SYNE1: variants seen among roughly 807,000 people sequenced by gnomAD.
The protein encoded by SYNE1 is spectrin repeat containing nuclear envelope protein 1.
A neutral mutation model predicts 1,111.0 loss-of-function variants in SYNE1; 616 were observed. That is an observed-to-expected ratio of 0.55 (90% confidence interval 0.52 to 0.59). The LOEUF (loss-of-function observed/expected upper bound fraction) is 0.59. Among genes scored for constraint, SYNE1 ranks in the 20% least tolerant of loss-of-function variants. SYNE1 has a pLI of 0.00. For missense variants in SYNE1, 10,006 were observed against 10,417.0 expected (o/e 0.96, Z 1.72); for synonymous variants, 3,855 against 3,825.8 (o/e 1.01, Z -0.28).
chr6:152,339,609 A>C lies in SYNE1; in HGVS notation c.12226-243T>G, dbSNP rs530955833. ...TAAAGTATTCTGTATGGTCTGGGAA[A>C]GGGGAAAACGCAAGAAACTTCTATA... is the stretch of plus-strand genomic sequence containing the variant. On this transcript the variant is annotated intron_variant, in intron 74 of 145. Transcript: ENST00000367255. Among the ~76,000 whole-genome samples, 33 of 152,334 alleles carry C rather than the reference A, an allele frequency of 2.2e-4. No individual in the cohort carries two copies. The South Asian group carries it at 4.1e-3, about 19-fold the overall frequency.
chr6:152,346,976 G>A (rs766344915), intron 73 of SYNE1, 83 bp downstream of exon 73: 30 of 1,510,684 alleles, frequency 2.0e-5, no homozygotes, highest in Non-Finnish European at 2.7e-5. Context: ...TTTGAGCATC[G>A]ATTCTATTTG....
At chr6:152,454,522 A>G (rs1335660823) in intron 24 of SYNE1, among the ~76,000 whole-genome samples, 1 of 152,350 alleles carries the variant, frequency 6.6e-6, no homozygotes, top group East Asian at 1.9e-4. Context: ...CCTTCTCCAG[A>G]ACTGTGAGAA....
At chr6:152,366,964 G>A (rs1736240776) in intron 62 of SYNE1, 1 of 657,178 alleles carries the variant, frequency 1.5e-6, no homozygotes, top group African/African-American at 1.8e-5. Context: ...TTTAAAACTA[G>A]CCTCTTAACA....
At chr6:152,363,710 A>C (rs1408870919) in intron 63 of SYNE1, 1 of 454,372 alleles carries the variant, frequency 2.2e-6, no homozygotes, top group East Asian at 7.0e-5. Context: ...CTTAGCTTGA[A>C]GACATTCTCT....
At chr6:152,145,549 A>T in intron 137 of SYNE1, 1 of 1,614,058 alleles carries the variant, frequency 6.2e-7, no homozygotes, top group Non-Finnish European at 8.5e-7. Context: ...TTCGGGGATC[A>T]TTACATCTGC....
rs1053255670 is a variant in SYNE1, at chr6:152,407,167, A to G, written c.6570T>C (p.Asp2190=). The change falls in exon 45 of 146, where the codon GAT becomes GAC. Residue 2190 remains aspartate, a synonymous_variant. Coordinates refer to ENST00000367255, the MANE Select transcript of SYNE1 (RefSeq NM_182961.4). The stretch of plus-strand genomic sequence containing the variant: ...AAATGGACAGGCTTACTCTCAGCCT[A>G]TCCATGTTTTCTTCAAGTTTCTCTG... ...DVSEKLEENM[D]RLRVSLSIWD... 1.2e-6 allele frequency: 2 copies of G among 1,613,952 alleles called. No homozygotes were observed. Among genetic ancestry groups the G allele is most frequent in the African/African-American group, 2.7e-5 (2 of 74,918 alleles).
intron 90 of SYNE1, 142 bp downstream of exon 90, chr6:152,309,693 T>C: frequency 1.9e-6 from 2 of 1,047,808 alleles, no homozygotes; most frequent in Non-Finnish European, 2.8e-6. Flanking sequence ...AGCATTTTAA[T>C]CTCCTTATTT....
chr6:152,360,780 AATTAT>A, intron 64 of SYNE1, among the ~76,000 whole-genome samples: 1 of 152,332 alleles, frequency 6.6e-6, no homozygotes, highest in East Asian at 1.9e-4. Flanking sequence ...AGATAATTAT[AATTAT>A]ATTATTTTAT....
chr6:152,498,306 A>G (rs1217288025), intron 11 of SYNE1, among the ~76,000 whole-genome samples: 7 of 152,212 alleles, frequency 4.6e-5, no homozygotes, highest in Admixed American at 4.6e-4. Flanking sequence ...AGCAGAAGAG[A>G]GTGAGGAAAC....
chr6:152,396,746 T>C (rs758819861), intron 50 of SYNE1, 29 bp downstream of exon 50: 3 of 1,600,464 alleles, frequency 1.9e-6, no homozygotes, highest in Non-Finnish European at 2.6e-6. Flanking sequence ...TGGTGTATGA[T>C]GAAATCTATG....
chr6:152,347,745 A>C (rs2096663560), intron 72 of SYNE1, among the ~76,000 whole-genome samples: 1 of 149,968 alleles, frequency 6.7e-6, no homozygotes, highest in Non-Finnish European at 1.5e-5. Flanking sequence ...CAGTGGCGCA[A>C]TTTCAGCTTA....
intron 89 of SYNE1, 103 bp from the exon 90 acceptor site, chr6:152,310,120 G>GA: frequency 8.1e-7 from 1 of 1,234,466 alleles, no homozygotes; most frequent in Admixed American, 3.2e-5. Flanking sequence ...TAAACATTTT[G>GA]CAAAAAAAAA....
chr6:152,364,665 AG>A (rs2097020987), intron 63 of SYNE1, among the ~76,000 whole-genome samples, 181 bp downstream of exon 63: 1 of 131,818 alleles, frequency 7.6e-6, no homozygotes. Flanking sequence ...GGAGTGAGGG[AG>A]GGAAGGAGGA....
At chr6:152,408,254 T>C (rs2097935649) in intron 44 of SYNE1, among the ~76,000 whole-genome samples, 1 of 152,212 alleles carries the variant, frequency 6.6e-6, no homozygotes, top group Admixed American at 6.5e-5. Flanking sequence ...GAAGGTAATG[T>C]AAAATATTTA....
intron 109 of SYNE1, 76 bp downstream of exon 109, chr6:152,236,741 G>T: frequency 6.5e-7 from 1 of 1,538,694 alleles, no homozygotes; most frequent in South Asian, 1.1e-5. Context: ...TAAAATAATT[G>T]ATCACAAGTT....
At chr6:152,613,847 C>G (rs1475191903) in intron 3 of SYNE1, among the ~76,000 whole-genome samples, 1 of 152,210 alleles carries the variant, frequency 6.6e-6, no homozygotes, top group East Asian at 1.9e-4. Flanking sequence ...CTACAACCAT[C>G]TGATCTTTGA....
At chr6:152,374,471 G>T (rs1016293176) in intron 58 of SYNE1, among the ~76,000 whole-genome samples, 5 of 152,256 alleles carry the variant, frequency 3.3e-5, no homozygotes, top group Non-Finnish European at 5.9e-5. Context: ...AAGGCCAAAG[G>T]CTATCCTCTA....
intron 5 of SYNE1, among the ~76,000 whole-genome samples, chr6:152,524,887 T>A (rs2099156431): frequency 6.6e-6 from 1 of 152,184 alleles, no homozygotes; most frequent in South Asian, 2.1e-4. Flanking sequence ...GGAGCATTTA[T>A]TCATAGACTC....
intron 3 of SYNE1, among the ~76,000 whole-genome samples, chr6:152,585,445 G>A (rs774868067): frequency 2.0e-5 from 3 of 152,166 alleles, no homozygotes; most frequent in East Asian, 1.9e-4. Flanking sequence ...GTTTATGCAC[G>A]TCTCTAATTG....
Sources: gnomAD v4.1 joint callset for allele counts (sites outside exome capture counted in the v4.1 genomes callset) on GRCh38, gnomAD v4.1.1 for gene constraint, MANE v1.5 for transcripts, NCBI Gene and HGNC (gene_info 2026-07-23, HGNC 2026-07-21) for gene names.